SLC12A8: variants seen among roughly 807,000 people sequenced by gnomAD.
The protein encoded by SLC12A8 is solute carrier family 12 member 8.
A neutral mutation model predicts 75.6 loss-of-function variants in SLC12A8; 69 were observed. The ratio of observed to expected loss-of-function variants is 0.91; its 90% confidence interval spans 0.75 to 1.11. The LOEUF (loss-of-function observed/expected upper bound fraction) is 1.11, where lower values mean the gene tolerates loss of function less well. SLC12A8 is among the 50% of genes most tolerant of loss of function. The probability of loss-of-function intolerance (pLI) is 0.00; values close to 1 mark genes in which losing one functional copy is unlikely to be tolerated. For synonymous variants in SLC12A8, 365 were observed against 372.8 expected, an observed-to-expected ratio of 0.98 and a Z score of 0.24; for missense variants, 877 against 896.7, an observed-to-expected ratio of 0.98 and a Z score of 0.28.
intron 3 of SLC12A8, among the ~76,000 whole-genome samples, chr3:125,188,156 A>G (rs957504013): frequency 1.3e-5 from 2 of 152,158 alleles, no homozygotes; most frequent in Non-Finnish European, 2.9e-5. Flanking sequence ...GTAATGGGTG[A>G]GTTCTCACTC....
intron 1 of SLC12A8, among the ~76,000 whole-genome samples, chr3:125,212,258 G>A (rs71325819): frequency 0.061 from 9,326 of 152,160 alleles, 387 homozygotes; most frequent in South Asian, 0.17. Context: ...GGAAGGCTGG[G>A]GGACTTGGTG....
chr3:125,118,769 C>T lies in SLC12A8; in HGVS notation c.912G>A (p.Lys304=), dbSNP rs746780080. ...TTGGAGTAGCGCAGGCCTCACTCAC[C>T]TTTTCCGCTATCAGGAAGTCATAGC... The part of the protein sequence containing the change: ...ALRYDFLIAE[K]VSLMGFLFLL... Residue 304 remains lysine, a splice_region_variant and synonymous_variant, in exon 8 of 14, where the codon AAG becomes AAA. Transcript: ENST00000469902. The T allele has an allele frequency of 6.2e-7, 1 of 1,612,530 alleles. No individual in the cohort carries two copies.
chr3:125,129,476 G>A (rs1933299777), intron 6 of SLC12A8, among the ~76,000 whole-genome samples: 1 of 151,494 alleles, frequency 6.6e-6, no homozygotes, highest in Admixed American at 6.6e-5. Context: ...AGTGCAGTGA[G>A]GGGGCAGGGG....
intron 5 of SLC12A8, among the ~76,000 whole-genome samples, chr3:125,176,991 T>C (rs1018942425): frequency 2.0e-5 from 3 of 151,752 alleles, no homozygotes; most frequent in African/African-American, 7.3e-5. Context: ...ACCCAAAGGA[T>C]TATAAATCAT....
rs1560046478 is a variant in SLC12A8 at position 125,087,065 on chromosome 3, T to TTA, written c.1982+1244_1982+1245insTA. 4.6e-5 allele frequency among the ~76,000 whole-genome samples: 7 copies of TTA among 151,792 alleles called. No homozygotes were observed. In the South Asian group the frequency reaches 1.5e-3, roughly 32 times the overall value. On this transcript the variant is annotated intron_variant, in intron 13 of 13. Transcript: ENST00000469902. ...ACACTGCACGTAAACATGGCTAAGA[T>TTA]GGTACATCTCACGTTACATGTATTT...
chr3:125,120,998 T>C (rs1005565526), intron 6 of SLC12A8: 2 of 653,584 alleles, frequency 3.1e-6, no homozygotes, highest in Non-Finnish European at 5.4e-6. Flanking sequence ...CACACAGAGG[T>C]CCTGCGCTGC....
At chr3:125,202,915 C>T (rs1935153649) in intron 2 of SLC12A8, among the ~76,000 whole-genome samples, 1 of 151,814 alleles carries the variant, frequency 6.6e-6, no homozygotes, top group African/African-American at 2.4e-5. Context: ...TGGTGAAACC[C>T]CGTCTCTACT....
At chr3:125,162,490 C>T (rs1934196929) in intron 5 of SLC12A8, among the ~76,000 whole-genome samples, 1 of 152,196 alleles carries the variant, frequency 6.6e-6, no homozygotes, top group Non-Finnish European at 1.5e-5. Context: ...AGGGTGGAAG[C>T]AACAGGAGCG....
chr3:125,182,771 T>G (rs1272776634), intron 4 of SLC12A8, among the ~76,000 whole-genome samples: 1 of 152,142 alleles, frequency 6.6e-6, no homozygotes, highest in Non-Finnish European at 1.5e-5. Flanking sequence ...CTCCCAAAGT[T>G]CTGGGATTAC....
chr3:125,198,211 A>C (rs569136547), intron 2 of SLC12A8, among the ~76,000 whole-genome samples: 1 of 151,984 alleles, frequency 6.6e-6, no homozygotes, highest in Admixed American at 6.6e-5. Context: ...AAACAAAAAT[A>C]AGAAAACCTG....
At chr3:125,099,344 T>G (rs533598542) in intron 10 of SLC12A8, among the ~76,000 whole-genome samples, 5 of 152,284 alleles carry the variant, frequency 3.3e-5, no homozygotes, top group African/African-American at 1.2e-4. Flanking sequence ...CTCAGAAATA[T>G]ATATCAGAAT....
At chr3:125,185,059 G>A (rs988293153) in intron 4 of SLC12A8, among the ~76,000 whole-genome samples, 2 of 152,152 alleles carry the variant, frequency 1.3e-5, no homozygotes, top group African/African-American at 2.4e-5. Flanking sequence ...AGTGGCTTAC[G>A]CCTGTAATCC....
At chr3:125,120,885 C>G in intron 6 of SLC12A8, 199 bp from the exon 7 acceptor site, 1 of 701,542 alleles carries the variant, frequency 1.4e-6, no homozygotes, top group Non-Finnish European at 2.6e-6. Flanking sequence ...TGAAAGGCAC[C>G]TTTGTGGGTT....
chr3:125,181,045 A>C (rs1440902177), intron 4 of SLC12A8, among the ~76,000 whole-genome samples: 1 of 152,212 alleles, frequency 6.6e-6, no homozygotes, highest in Non-Finnish European at 1.5e-5. Flanking sequence ...TTATGATAGA[A>C]AAGGATAAGT....
chr3:125,106,198 T>C (rs1248012579), intron 10 of SLC12A8, among the ~76,000 whole-genome samples: 1 of 152,200 alleles, frequency 6.6e-6, no homozygotes, highest in South Asian at 2.1e-4. Context: ...TCTGGTTATG[T>C]GACTTTTAAT....
intron 5 of SLC12A8, among the ~76,000 whole-genome samples, chr3:125,138,261 C>T (rs1037407777): frequency 8.6e-5 from 13 of 151,964 alleles, no homozygotes; most frequent in Non-Finnish European, 1.6e-4. Context: ...ATTAGCCGGC[C>T]GTGATGGGGT....
intron 10 of SLC12A8, among the ~76,000 whole-genome samples, chr3:125,097,524 G>A (rs1270832051): frequency 7.1e-6 from 1 of 140,388 alleles, no homozygotes; most frequent in Non-Finnish European, 1.5e-5. Flanking sequence ...GAACCTAAAG[G>A]GAATTGTGTG....
chr3:125,204,494 C>T (rs1935189078), intron 2 of SLC12A8, among the ~76,000 whole-genome samples: 1 of 152,226 alleles, frequency 6.6e-6, no homozygotes, highest in South Asian at 2.1e-4. Context: ...AGACAGATAT[C>T]ACATGTTCTT....
At chr3:125,189,444 C>T (rs1934864834) in intron 3 of SLC12A8, among the ~76,000 whole-genome samples, 1 of 152,214 alleles carries the variant, frequency 6.6e-6, no homozygotes, top group Admixed American at 6.5e-5. Context: ...TGCATCTCCT[C>T]CAGGAAGGCT....
Sources: gnomAD v4.1 joint callset for allele counts (sites outside exome capture counted in the v4.1 genomes callset) on GRCh38, gnomAD v4.1.1 for gene constraint, MANE v1.5 for transcripts, NCBI Gene and HGNC (gene_info 2026-07-23, HGNC 2026-07-21) for gene names.